The following CADM2 variants were observed in gnomAD, a reference collection of about 807,000 sequenced individuals.
CADM2 encodes cell adhesion molecule 2, also known as immunoglobulin superfamily member 4D.
A neutral mutation model predicts 49.8 loss-of-function variants in CADM2; 12 were observed. The observed-to-expected ratio is 0.24, with a 90% confidence interval of 0.15 to 0.39. CADM2 has a LOEUF of 0.39. Ranked by LOEUF, CADM2 falls within the 10% of genes least tolerant of loss-of-function variation. The pLI is 1.00. For missense variants in CADM2, 378 were observed against 492.3 expected (o/e 0.77, Z 2.20); for synonymous variants, 214 against 175.4 (o/e 1.22, Z -1.74).
chr3:86,045,426 G>C (rs1052090502), intron 8 of CADM2, among the ~76,000 whole-genome samples: 4 of 151,962 alleles, frequency 2.6e-5, no homozygotes, highest in Admixed American at 6.6e-5. Flanking sequence ...CATTACATTG[G>C]TTCTGTTCCA....
At chr3:85,816,345 G>C (rs1439367957) in intron 3 of CADM2, among the ~76,000 whole-genome samples, 1 of 151,998 alleles carries the variant, frequency 6.6e-6, no homozygotes, top group Non-Finnish European at 1.5e-5. Context: ...TTCCAGGAGA[G>C]AGAAATAGAT....
intron 1 of CADM2, among the ~76,000 whole-genome samples, chr3:85,603,740 A>G (rs888651707): frequency 6.6e-6 from 1 of 151,958 alleles, no homozygotes; most frequent in Non-Finnish European, 1.5e-5. Context: ...ATACTTAAAT[A>G]TATAATTTAA....
chr3:85,737,081 G>A (rs1205959084), intron 2 of CADM2, among the ~76,000 whole-genome samples: 3 of 152,108 alleles, frequency 2.0e-5, no homozygotes, highest in African/African-American at 7.2e-5. Flanking sequence ...CATCAGTACT[G>A]GAGACCAACA....
intron 1 of CADM2, among the ~76,000 whole-genome samples, chr3:85,328,346 A>C (rs115721009): frequency 0.024 from 3,662 of 152,298 alleles, 132 homozygotes; most frequent in African/African-American, 0.083. Flanking sequence ...AAAATTTGTC[A>C]CTATAACTCT....
intron 1 of CADM2, among the ~76,000 whole-genome samples, chr3:85,671,330 A>G (rs2065728467): frequency 6.6e-6 from 1 of 152,190 alleles, no homozygotes; most frequent in Non-Finnish European, 1.5e-5. Context: ...GTGGAGGAGA[A>G]TAGGCTGTAT....
At chr3:85,366,945 TA>T in intron 1 of CADM2, among the ~76,000 whole-genome samples, 1 of 152,002 alleles carries the variant, frequency 6.6e-6, no homozygotes. Flanking sequence ...TCAACTAAAT[TA>T]AAAATTATTA....
At chr3:85,167,707 G>A (rs557573582) in intron 1 of CADM2, among the ~76,000 whole-genome samples, 6 of 151,284 alleles carry the variant, frequency 4.0e-5, no homozygotes, top group South Asian at 4.1e-4. Context: ...TTTAGTTTGC[G>A]TTCAGTACTA....
At chr3:85,809,540 A>C (rs939411948) in intron 3 of CADM2, among the ~76,000 whole-genome samples, 12 of 152,090 alleles carry the variant, frequency 7.9e-5, no homozygotes, top group Non-Finnish European at 1.5e-4. Flanking sequence ...GCAGTGAACC[A>C]ATATAGCCTG....
chr3:85,040,468 G>A (rs2035390773), intron 1 of CADM2, among the ~76,000 whole-genome samples: 1 of 151,950 alleles, frequency 6.6e-6, no homozygotes, highest in East Asian at 1.9e-4. Flanking sequence ...CTGAAACTGA[G>A]CAACACTTAC....
At chr3:85,168,698 A>G (rs988699923) in intron 1 of CADM2, among the ~76,000 whole-genome samples, 11 of 152,140 alleles carry the variant, frequency 7.2e-5, no homozygotes, top group Non-Finnish European at 1.5e-4. Context: ...TTCCTTCACT[A>G]TCTAATATTG....
intron 8 of CADM2, among the ~76,000 whole-genome samples, chr3:86,061,214 TAA>T (rs953946607): frequency 3.3e-5 from 5 of 152,100 alleles, no homozygotes; most frequent in African/African-American, 1.2e-4. Context: ...AATGTATTTA[TAA>T]GTTTATAAAT....
At chr3:85,703,409 G>A (rs2066844379) in intron 1 of CADM2, among the ~76,000 whole-genome samples, 1 of 151,984 alleles carries the variant, frequency 6.6e-6, no homozygotes, top group Non-Finnish European at 1.5e-5. Context: ...GTACACAGCT[G>A]GTATACATAA....
At chr3:85,171,263 A>G (rs1340377445) in intron 1 of CADM2, among the ~76,000 whole-genome samples, 5 of 152,212 alleles carry the variant, frequency 3.3e-5, no homozygotes, top group Non-Finnish European at 7.3e-5. Flanking sequence ...GGACTTCAAT[A>G]TCCACTATAA....
chr3:86,004,018 T>G (rs1730485531), intron 8 of CADM2, among the ~76,000 whole-genome samples: 1 of 152,178 alleles, frequency 6.6e-6, no homozygotes, highest in African/African-American at 2.4e-5. Context: ...CTGGGCCACA[T>G]GCAGACCATG....
rs867174298 is a variant in CADM2, at chr3:85,151,412, G to A, written c.61+191744G>A. 4.4e-4 allele frequency among the ~76,000 whole-genome samples: 66 copies of A among 151,006 alleles called. 1 individual carries two copies. The highest frequency in any genetic ancestry group is 6.8e-3 in the Middle Eastern group (2 of 294). On this transcript the variant is annotated intron_variant, in intron 1 of 9. Transcript: ENST00000383699. ...TCTTACTCCTAGAATTATCACTATT[G>A]GAAATTTTAAAACTTTATTATAGTT...
intron 1 of CADM2, among the ~76,000 whole-genome samples, chr3:84,968,368 T>A (rs945485222): frequency 6.6e-6 from 1 of 152,100 alleles, no homozygotes; most frequent in African/African-American, 2.4e-5. Context: ...TGTTCTGTGA[T>A]ATTCAATGTG....
chr3:85,353,913 A>C (rs2031595540), intron 1 of CADM2, among the ~76,000 whole-genome samples: 1 of 152,000 alleles, frequency 6.6e-6, no homozygotes, highest in African/African-American at 2.4e-5. Flanking sequence ...AATTTGAATA[A>C]ATGTTAGGTC....
chr3:85,186,482 G>C (rs373878408), intron 1 of CADM2, among the ~76,000 whole-genome samples: 1 of 151,732 alleles, frequency 6.6e-6, no homozygotes, highest in Non-Finnish European at 1.5e-5. Flanking sequence ...ACCTTTTCAG[G>C]CATGTTTCTT....
intron 1 of CADM2, among the ~76,000 whole-genome samples, chr3:85,601,117 T>C (rs1411011306): frequency 1.2e-4 from 11 of 95,138 alleles, no homozygotes; most frequent in African/African-American, 3.6e-4. Flanking sequence ...ATACTGTGCA[T>C]TTATATATGT....
Sources: gnomAD v4.1 joint callset for allele counts (sites outside exome capture counted in the v4.1 genomes callset) on GRCh38, gnomAD v4.1.1 for gene constraint, MANE v1.5 for transcripts, NCBI Gene and HGNC (gene_info 2026-07-23, HGNC 2026-07-21) for gene names.